The following TRUB2 variants were observed in gnomAD, a reference collection of about 807,000 sequenced individuals.
TRUB2 encodes TruB pseudouridine synthase family member 2.
Under a neutral mutation model 31.9 loss-of-function variants are expected in TRUB2, and 31 were observed. The ratio of observed to expected loss-of-function variants is 0.97; its 90% CI spans 0.73 to 1.31. The LOEUF (loss-of-function observed/expected upper bound fraction) is 1.31. TRUB2 is among the 50% of genes most tolerant of loss of function. The pLI, the probability that TRUB2 is intolerant of heterozygous loss-of-function variation, is 0.00. For missense variants in TRUB2, 451 were observed against 439.6 expected (o/e 1.03, Z -0.23); for synonymous variants, 201 against 182.6 (o/e 1.10, Z -0.81).
Position 128,315,631 on chromosome 9 carries a change from G to A in TRUB2, c.317-3C>T. 6.2e-7 allele frequency: 1 copy of A among 1,613,088 alleles called. No individual in the cohort carries two copies. The highest frequency in any genetic ancestry group is 8.5e-7 in the Non-Finnish European group (1 of 1,179,580). The stretch of plus-strand genomic sequence containing the variant: ...GCATCCATGTCCCACGCCGAGCACT[G>A]AAAAGCAGCCAGCGTCATCTCACAC... On this transcript the variant is annotated splice_polypyrimidine_tract_variant and splice_region_variant and intron_variant, in intron 3 of 7. Coordinates refer to ENST00000372890, the MANE Select transcript of TRUB2 (RefSeq NM_015679.3).
At position 128,307,023 on chromosome 9, in the gene TRUB2, G is replaced by A. The variant is rs1280528107; in HGVS notation, c.*2527C>T. On this transcript the variant is annotated 3_prime_UTR_variant, in exon 8 of 8. Coordinates refer to ENST00000372890, the MANE Select transcript of TRUB2 (RefSeq NM_015679.3). ...TGTAATCCCAGCACTTTGGGAGGCT[G>A]AAGCGGGCAGATCACCTGAGGTCAG... The A allele has an allele frequency of 6.6e-6, 1 of 152,098 alleles. No homozygotes were observed. The highest frequency in any genetic ancestry group is 1.5e-5 in the Non-Finnish European group (1 of 68,058). The allele number at this position is 152,098 out of a possible 1,614,324, so 9.4% of individuals were successfully genotyped here.
Position 128,321,710 on chromosome 9 carries a change from G to A in TRUB2, c.130C>T (p.Pro44Ser), listed in dbSNP as rs1322992581. The stretch of plus-strand genomic sequence containing the variant: ...AAGCGAACACGCTGTTTAGGAGCGG[G>A]AGGCTTCCTGGCATTGAGACCTGAA... ...LLKGLNARKP[P>S]APKQRVRFLL... The change falls in exon 2 of 8, where the codon CCC (proline) becomes TCC (serine). Residue 44 changes from proline (P) to serine (S), a missense_variant. Coordinates refer to ENST00000372890, the MANE Select transcript of TRUB2 (RefSeq NM_015679.3). 1.2e-6 allele frequency: 2 copies of A among 1,613,610 alleles called. No homozygotes were observed. The highest frequency in any genetic ancestry group is 2.2e-5 in the East Asian group (1 of 44,894).
At position 128,322,333 on chromosome 9, in the gene TRUB2, G is replaced by C. The variant is rs747414475; in HGVS notation, c.76C>G (p.Leu26Val). 4.3e-6 allele frequency: 7 copies of C among 1,614,150 alleles called. No individual in the cohort carries two copies. The highest frequency in any genetic ancestry group is 3.3e-5 in the South Asian group (3 of 91,086). Residue 26 changes from leucine (L) to valine (V), a missense_variant, in exon 1 of 8, where the codon CTG becomes GTG. Leu to Val is a conservative substitution (Grantham distance 32). Transcript: ENST00000372890. The part of the protein sequence containing the change: ...YKPPGLKWKH[L>V]RDTVELQLLK... ...AGTTGTAGCTCCACTGTATCCCGCA[G>C]GTGCTTCCATTTTAGCCCCGGGGGC...
chr9:128,322,442 G>A lies in TRUB2; in HGVS notation c.-34C>T, dbSNP rs1332522216. 1 of 1,606,330 alleles carries A rather than the reference G, an allele frequency of 6.2e-7. No individual in the cohort carries two copies. Among genetic ancestry groups the A allele is most frequent in the Non-Finnish European group, 8.5e-7 (1 of 1,173,410 alleles). ...ATCACAGCACCCGCTGGACCTGGAC[G>A]GAAGTACCGCCAGGCCCCGCCCCCA... On this transcript the variant is annotated 5_prime_UTR_variant, in exon 1 of 8. Coordinates refer to ENST00000372890, the MANE Select transcript of TRUB2 (RefSeq NM_015679.3).
rs1831917834 is a variant in TRUB2, at chr9:128,309,183, CAT to C, written c.*365_*366del. On this transcript the variant is annotated 3_prime_UTR_variant, in exon 8 of 8. Transcript: ENST00000372890. Reference sequence around the variant, plus strand: ...TTTTTTTTTGAGATGGCAGGGGTCTCATATGTTCCCCAGACTAGAGTGCAGTG... The same window carrying C: ...TTTTTTTTTGAGATGGCAGGGGTCTCATGTTCCCCAGACTAGAGTGCAGTG... 1 of 193,856 alleles carries C rather than the reference CAT, an allele frequency of 5.2e-6. No individual in the cohort carries two copies. 12.0% of individuals were successfully genotyped at this position (193,856 alleles called of 1,614,324 possible).
At chr9:128,310,775 G>A (rs534378137) in intron 7 of TRUB2, 112 bp downstream of exon 7, 21 of 1,441,562 alleles carry the variant, frequency 1.5e-5, no homozygotes, top group Admixed American at 9.0e-5. Flanking sequence ...CAGGGCCGGC[G>A]TGTGCTGGCC....
chr9:128,316,147 C>A (rs1832064748), intron 3 of TRUB2, among the ~76,000 whole-genome samples: 1 of 151,180 alleles, frequency 6.6e-6, no homozygotes, highest in African/African-American at 2.4e-5. Context: ...CCCATCTCTA[C>A]CAAAAAATAC....
Position 128,321,661 on chromosome 9 carries a change from C to G in TRUB2, c.179G>C (p.Ser60Thr). The G allele has an allele frequency of 6.2e-7, 1 of 1,614,014 alleles. No homozygotes were observed. The highest frequency in any genetic ancestry group is 1.3e-5 in the African/African-American group (1 of 75,052). ...VRFLLGPMEG[S>T]EEKELTLTAT... Reference sequence around the variant, plus strand: ...TGTGAGGGTCAGCTCCTTCTCTTCGCTGCCTTCCATGGGGCCCAGCAAGAA... The same window carrying G: ...TGTGAGGGTCAGCTCCTTCTCTTCGGTGCCTTCCATGGGGCCCAGCAAGAA... Residue 60 changes from serine to threonine, a missense_variant, in exon 2 of 8, where the codon AGC becomes ACC. Physicochemically the swap from Ser to Thr is moderately conservative, Grantham distance 58. Transcript: ENST00000372890.
intron 2 of TRUB2, among the ~76,000 whole-genome samples, chr9:128,318,777 G>A (rs55764154): frequency 2.0e-5 from 3 of 151,850 alleles, no homozygotes; most frequent in African/African-American, 4.8e-5. Context: ...CAAGTGATCC[G>A]CCTGCCTCGG....
At chr9:128,310,488 C>T (rs918510454) in intron 7 of TRUB2, among the ~76,000 whole-genome samples, 4 of 151,322 alleles carry the variant, frequency 2.6e-5, no homozygotes, top group Non-Finnish European at 4.4e-5. Flanking sequence ...AAAAAAGGGG[C>T]GGGCGCAGGC....
chr9:128,319,675 T>C (rs1020015124), intron 2 of TRUB2, among the ~76,000 whole-genome samples: 4 of 151,118 alleles, frequency 2.6e-5, no homozygotes, highest in African/African-American at 9.7e-5. Flanking sequence ...GTCTCACTCT[T>C]TCACCCAGGC....
chr9:128,315,392 A>G (rs542026306), intron 4 of TRUB2, among the ~76,000 whole-genome samples, 175 bp downstream of exon 4: 115 of 152,194 alleles, frequency 7.6e-4, no homozygotes, highest in African/African-American at 2.5e-3. Flanking sequence ...ATACACTAAC[A>G]CTGGTAGTTA....
intron 4 of TRUB2, among the ~76,000 whole-genome samples, chr9:128,314,358 C>G (rs1039092395): frequency 1.1e-4 from 16 of 152,174 alleles, no homozygotes; most frequent in African/African-American, 3.9e-4. Flanking sequence ...GCCCTGTAGG[C>G]TTCTCTCCAC....
chr9:128,319,036 G>C (rs543767007), intron 2 of TRUB2, among the ~76,000 whole-genome samples: 5 of 151,896 alleles, frequency 3.3e-5, no homozygotes, highest in African/African-American at 9.6e-5. Context: ...ACAAAAATTA[G>C]CCAGGCATGG....
chr9:128,315,663 C>A (rs557624792), intron 3 of TRUB2, 35 bp from the exon 4 acceptor site: 2 of 1,604,924 alleles, frequency 1.2e-6, no homozygotes, highest in African/African-American at 1.3e-5. Context: ...ACACCTGGGA[C>A]CCCCTTCCCA....
At chr9:128,321,857 G>C in intron 1 of TRUB2, 127 bp from the exon 2 acceptor site, 1 of 1,067,168 alleles carries the variant, frequency 9.4e-7, no homozygotes, top group Non-Finnish European at 1.3e-6. Context: ...ATAGCTCACT[G>C]TAACGTCAAA....
chr9:128,311,641 T>C (rs1831971442), intron 5 of TRUB2, 40 bp from the exon 6 acceptor site: 2 of 1,607,876 alleles, frequency 1.2e-6, no homozygotes, highest in African/African-American at 1.3e-5. Flanking sequence ...AGGTACCTGC[T>C]GAGTATTGGT....
intron 2 of TRUB2, among the ~76,000 whole-genome samples, chr9:128,317,791 C>A (rs1832093653): frequency 1.3e-5 from 2 of 152,218 alleles, no homozygotes; most frequent in African/African-American, 4.8e-5. Flanking sequence ...TAGGACCCAT[C>A]TCACAGCACT....
rs1831867663 is a variant in TRUB2, at chr9:128,306,507, ATC to A, written c.*3041_*3042del. 6.7e-6 allele frequency: 1 copy of A among 150,302 alleles called. No individual in the cohort carries two copies. Among genetic ancestry groups the A allele is most frequent in the South Asian group, 2.1e-4 (1 of 4,756 alleles). 9.3% of individuals were successfully genotyped at this position (150,302 alleles called of 1,614,324 possible). ...ACCTAGGCTGGAGTGCAGTGGCGCA[ATC>A]TCCACTCACTGCAAGCTCCGCCTCC... On this transcript the variant is annotated 3_prime_UTR_variant, in exon 8 of 8. Coordinates refer to ENST00000372890, the MANE Select transcript of TRUB2 (RefSeq NM_015679.3).
Sources: gnomAD v4.1 joint callset for allele counts (sites outside exome capture counted in the v4.1 genomes callset) on GRCh38, gnomAD v4.1.1 for gene constraint, MANE v1.5 for transcripts, NCBI Gene and HGNC (gene_info 2026-07-23, HGNC 2026-07-21) for gene names.